ZC3H3: variants seen among roughly 807,000 people sequenced by gnomAD.
The protein encoded by ZC3H3 is zinc finger CCCH-type containing 3.
Under a neutral mutation model 77.3 loss-of-function variants are expected in ZC3H3, and 36 were observed. That is an observed-to-expected ratio of 0.47 (90% CI 0.36 to 0.61). ZC3H3 has a LOEUF of 0.61. Among genes scored for constraint, ZC3H3 ranks in the 20% least tolerant of loss-of-function variants. The pLI, the probability that ZC3H3 is intolerant of heterozygous loss-of-function variation, is 0.00. For missense variants in ZC3H3, 1,331 were observed against 1,312.2 expected (o/e 1.01, Z -0.22); for synonymous variants, 626 against 555.2 (o/e 1.13, Z -1.79).
At chr8:143,502,045 C>A (rs541104088) in intron 4 of ZC3H3, among the ~76,000 whole-genome samples, 2 of 152,226 alleles carry the variant, frequency 1.3e-5, no homozygotes, top group Non-Finnish European at 2.9e-5. Flanking sequence ...AGAGTGCACA[C>A]GCACTCACCA....
At chr8:143,537,875 C>T (rs1822853162) in intron 2 of ZC3H3, 128 bp downstream of exon 2, 8 of 1,056,330 alleles carry the variant, frequency 7.6e-6, no homozygotes, top group Non-Finnish European at 1.1e-5. Context: ...CACTTCCTGC[C>T]TCATTTCTTG....
chr8:143,506,568 T>C (rs1821703145), intron 4 of ZC3H3, among the ~76,000 whole-genome samples: 1 of 152,142 alleles, frequency 6.6e-6, no homozygotes, highest in Admixed American at 6.5e-5. Flanking sequence ...AAAATTATCT[T>C]CATAAATTTG....
At chr8:143,477,266 C>T (rs1820762289) in intron 4 of ZC3H3, among the ~76,000 whole-genome samples, 1 of 152,204 alleles carries the variant, frequency 6.6e-6, no homozygotes, top group African/African-American at 2.4e-5. Context: ...AGCACTTAAC[C>T]CAGTTTCCTT....
rs1820476407 is a variant in ZC3H3, at chr8:143,468,534, T to C, written c.1953A>G (p.Ala651=). The C allele has an allele frequency of 6.2e-7, 1 of 1,607,462 alleles. No individual in the cohort carries two copies. Among genetic ancestry groups the C allele is most frequent in the Non-Finnish European group, 8.5e-7 (1 of 1,177,646 alleles). ...GSCSRSLASR[A]VQRSLAIIRQ... ...GGATGATGGCCAGGCTGCGCTGCACTGCCCGGCTGCAGACGGGGAGAGAGG... is the reference window on the plus strand; with the variant it reads ...GGATGATGGCCAGGCTGCGCTGCACCGCCCGGCTGCAGACGGGGAGAGAGG... The change falls in exon 7 of 12, where the codon GCA becomes GCG. Residue 651 remains alanine (A), a synonymous_variant. Coordinates refer to ENST00000262577, the MANE Select transcript of ZC3H3 (RefSeq NM_015117.3).
At chr8:143,520,108 C>T (rs972371172) in intron 3 of ZC3H3, among the ~76,000 whole-genome samples, 3 of 152,224 alleles carry the variant, frequency 2.0e-5, no homozygotes, top group Non-Finnish European at 4.4e-5. Flanking sequence ...AAGGCAGGAG[C>T]GGTGGGGGTG....
intron 9 of ZC3H3, among the ~76,000 whole-genome samples, chr8:143,448,920 G>C (rs762822761): frequency 3.3e-5 from 5 of 152,238 alleles, no homozygotes; most frequent in Non-Finnish European, 5.9e-5. Context: ...TGCACTCTGA[G>C]TACCTGCAGG....
intron 3 of ZC3H3, among the ~76,000 whole-genome samples, chr8:143,522,111 G>A (rs1282721081): frequency 6.6e-6 from 1 of 152,184 alleles, no homozygotes; most frequent in Non-Finnish European, 1.5e-5. Flanking sequence ...GTCCTCTGTC[G>A]GCCTTCCCTA....
chr8:143,534,925 C>T (rs1822744380), intron 3 of ZC3H3, among the ~76,000 whole-genome samples: 1 of 152,138 alleles, frequency 6.6e-6, no homozygotes, highest in Non-Finnish European at 1.5e-5. Context: ...CCATTCAGCC[C>T]TCCACCTGGG....
intron 3 of ZC3H3, among the ~76,000 whole-genome samples, chr8:143,508,933 C>T (rs758941739): frequency 3.0e-4 from 45 of 152,326 alleles, no homozygotes; most frequent in Non-Finnish European, 4.4e-4. Context: ...TTCCCAAATT[C>T]TTTTCCAGAG....
At position 143,495,829 on chromosome 8, in the gene ZC3H3, G is replaced by A. The variant is rs1042902171; in HGVS notation, c.1715+11917C>T. ...TGTTGCCCGAGCTGGTCTTGAACTC[G>A]CAGGCTCAGCTATCCTCCTGTCTCA... On this transcript the variant is annotated intron_variant, in intron 4 of 11. Coordinates refer to ENST00000262577, the MANE Select transcript of ZC3H3 (RefSeq NM_015117.3). 1.1e-4 allele frequency among the ~76,000 whole-genome samples: 16 copies of A among 148,914 alleles called. No individual in the cohort carries two copies. The Middle Eastern group carries it at 0.014, about 129-fold the overall frequency.
intron 4 of ZC3H3, among the ~76,000 whole-genome samples, chr8:143,498,659 A>G (rs971889779): frequency 6.7e-6 from 1 of 148,672 alleles, no homozygotes; most frequent in Non-Finnish European, 1.5e-5. Flanking sequence ...TGGCCCCCAC[A>G]CTGCTGTGTG....
At chr8:143,438,908 G>A (rs1439344609) in intron 11 of ZC3H3, among the ~76,000 whole-genome samples, 1 of 152,156 alleles carries the variant, frequency 6.6e-6, no homozygotes, top group Non-Finnish European at 1.5e-5. Context: ...CTGCCCCTGC[G>A]GTGGCCGCTC....
In ZC3H3 at chr8:143,441,012, G is replaced by A. The variant is rs749759180; in HGVS notation, c.2416C>T (p.Arg806Trp). ...LHRTQKRHSR[R>W]AATSPAPGPS... is the part of the protein sequence containing the mutation. ...CCTGGGGCGGGGGACGTGGCTGCCC[G>A]CCGACTGTGGCGTTTCTGGGTACGG... Residue 806 changes from arginine (R) to tryptophan (W), a missense_variant, in exon 10 of 12, where the codon CGG becomes TGG. By Grantham distance (101) the Arg-to-Trp change is moderately radical. Around this residue, in one of 3 missense-constraint regions of ZC3H3, gnomAD observed 249 missense variants for 236.9 expected, o/e 1.05. Transcript: ENST00000262577. 1.2e-5 allele frequency: 18 copies of A among 1,472,442 alleles called. No individual in the cohort carries two copies. Among genetic ancestry groups the A allele is most frequent in the Middle Eastern group, 1.8e-4 (1 of 5,612 alleles). The allele number at this position is 1,472,442 out of a possible 1,614,324, so 91.2% of individuals were successfully genotyped here.
At chr8:143,508,722 G>GC (rs1421096314) in intron 3 of ZC3H3, among the ~76,000 whole-genome samples, 1 of 134,624 alleles carries the variant, frequency 7.4e-6, no homozygotes, top group East Asian at 2.5e-4. Context: ...AGAGGCCCCC[G>GC]CCCCCCTCCA....
At chr8:143,468,900 C>T (rs1820487767) in intron 5 of ZC3H3, among the ~76,000 whole-genome samples, 1 of 152,200 alleles carries the variant, frequency 6.6e-6, no homozygotes. Context: ...GTGTCTAGCT[C>T]CTCTCCAGGG....
chr8:143,460,659 A>G lies in ZC3H3; in HGVS notation c.2307+5058T>C, dbSNP rs993506627. 3.3e-5 allele frequency among the ~76,000 whole-genome samples: 5 copies of G among 152,214 alleles called. No homozygotes were observed. The East Asian group carries it at 9.6e-4, about 29-fold the overall frequency. ...ACAGTAGCCACATAACCACCAGCAC[A>G]CGAAGGAACTAACAAAACGCAGTGC... On this transcript the variant is annotated intron_variant, in intron 9 of 11. Coordinates refer to ENST00000262577, the MANE Select transcript of ZC3H3 (RefSeq NM_015117.3). The surrounding 1 kb of genome is among the most constrained non-coding windows in gnomAD (Gnocchi z 4.0).
At chr8:143,536,945 C>G (rs564996907) in intron 2 of ZC3H3, among the ~76,000 whole-genome samples, 1 of 152,108 alleles carries the variant, frequency 6.6e-6, no homozygotes, top group Admixed American at 6.5e-5. Context: ...GAGTTGCCAC[C>G]GAGAAACAGC....
At chr8:143,481,150 G>A (rs1413884106) in intron 4 of ZC3H3, among the ~76,000 whole-genome samples, 1 of 152,186 alleles carries the variant, frequency 6.6e-6, no homozygotes. Flanking sequence ...CGAGGCCTAG[G>A]CCAGATTGCA....
chr8:143,466,073 G>A (rs1586891134), intron 8 of ZC3H3, among the ~76,000 whole-genome samples: 1 of 152,222 alleles, frequency 6.6e-6, no homozygotes, highest in Non-Finnish European at 1.5e-5. Flanking sequence ...CTGTCCAGAG[G>A]AGGCATGGAG....
Sources: gnomAD v4.1 joint callset for allele counts (sites outside exome capture counted in the v4.1 genomes callset) on GRCh38, gnomAD v4.1.1 for gene constraint, gnomAD v4.1.1 regional missense constraint, Gnocchi (gnomAD v3.1) non-coding constraint, MANE v1.5 for transcripts, NCBI Gene and HGNC (gene_info 2026-07-23, HGNC 2026-07-21) for gene names.